Variants in SEC16A observed in about 807,000 individuals in gnomAD.
SEC16A encodes protein transport protein Sec16A.
In SEC16A, 110 loss-of-function variants were observed where a neutral mutation model predicts 221.9. The ratio of observed to expected loss-of-function variants is 0.50; its 90% CI spans 0.42 to 0.58. SEC16A has a LOEUF of 0.58. SEC16A is among the 20% of genes least tolerant of loss of function. The probability of loss-of-function intolerance (pLI) is 0.00; values close to 1 mark genes in which losing one functional copy is unlikely to be tolerated. For synonymous variants in SEC16A, 1,393 were observed against 1,257.7 expected, an observed-to-expected ratio of 1.11 and a Z score of -2.28; for missense variants, 3,165 against 3,097.8, an observed-to-expected ratio of 1.02 and a Z score of -0.52.
chr9:136,445,803 C>G (rs2131802586), intron 28 of SEC16A, 84 bp from the exon 29 acceptor site: 1 of 1,231,582 alleles, frequency 8.1e-7, no homozygotes. Context: ...TGAAACTGTT[C>G]TGGCCTGGGT....
intron 1 of SEC16A, among the ~76,000 whole-genome samples, chr9:136,482,335 A>C (rs1589038470): frequency 6.6e-6 from 1 of 152,122 alleles, no homozygotes; most frequent in Non-Finnish European, 1.5e-5. Context: ...TACAATCCAC[A>C]CCCAACTTAC....
intron 23 of SEC16A, among the ~76,000 whole-genome samples, chr9:136,449,808 C>T (rs964398512): frequency 1.3e-5 from 2 of 152,180 alleles, no homozygotes; most frequent in African/African-American, 4.8e-5. Context: ...AGAGCTCACA[C>T]AAATTTGGAA....
chr9:136,478,004 A>G (rs1173145598), intron 2 of SEC16A, among the ~76,000 whole-genome samples: 1 of 152,182 alleles, frequency 6.6e-6, no homozygotes, highest in African/African-American at 2.4e-5. Context: ...AACAACAGGG[A>G]CAGTGCGGAA....
Position 136,477,589 on chromosome 9 carries a change from C to T in SEC16A, c.27G>A (p.Pro9=), listed in dbSNP as rs370618648. Residue 9 remains proline, a synonymous_variant, in exon 3 of 32, where the codon CCG becomes CCA. Transcript: ENST00000684901. MQPPPQTV[P]SGMAGPPPAG... ...CTGGAGGTGGCCCAGCCATGCCAGA[C>T]GGGACCGTCTGGGGCGGTGGCTGCA... The T allele has an allele frequency of 4.1e-4, 664 of 1,611,310 alleles. No individual in the cohort carries two copies. The highest frequency in any genetic ancestry group is 3.8e-4 in the Non-Finnish European group (449 of 1,179,054).
chr9:136,445,218 G>T, intron 29 of SEC16A, 107 bp from the exon 30 acceptor site: 1 of 931,198 alleles, frequency 1.1e-6, no homozygotes, highest in Non-Finnish European at 1.7e-6. Context: ...GATGCCATTA[G>T]AATCAACATA....
intron 5 of SEC16A, among the ~76,000 whole-genome samples, chr9:136,467,934 G>A (rs1434808630): frequency 2.0e-5 from 3 of 152,198 alleles, no homozygotes; most frequent in Admixed American, 6.5e-5. Flanking sequence ...GCTGGACGTC[G>A]CCAGGGAGCA....
At chr9:136,483,493 T>A (rs1228684605), upstream of SEC16A, 1 of 896,552 alleles carries the variant, frequency 1.1e-6, no homozygotes, top group Non-Finnish European at 1.3e-6. Context: ...CCCTCCGGCG[T>A]CCGTCTGCCG....
Position 136,474,429 on chromosome 9 carries a change from G to C in SEC16A, c.3187C>G (p.Pro1063Ala). The part of the protein sequence containing the change: ...GLERAQQELV[P>A]PQQQASPPQL... The stretch of plus-strand genomic sequence containing the variant: ...GGGGGAGAAGCCTGTTGCTGGGGTG[G>C]CACCAGCTCCTGCTGGGCTCTTTCG... The change falls in exon 3 of 32, where the codon CCA (proline) becomes GCA (alanine). Residue 1063 changes from proline (P) to alanine (A), a missense_variant. Pro to Ala is a conservative substitution (Grantham distance 27, BLOSUM62 -1). Transcript: ENST00000684901. 2 of 1,612,994 alleles carry C rather than the reference G, an allele frequency of 1.2e-6. No individual in the cohort carries two copies. Among genetic ancestry groups the C allele is most frequent in the Non-Finnish European group, 1.7e-6 (2 of 1,179,894 alleles).
At chr9:136,443,530 A>G (rs985391524) in intron 31 of SEC16A, among the ~76,000 whole-genome samples, 4 of 152,108 alleles carry the variant, frequency 2.6e-5, no homozygotes, top group African/African-American at 9.7e-5. Flanking sequence ...AAAACATAAA[A>G]AATTTGCCAG....
At position 136,474,125 on chromosome 9, in the gene SEC16A, G is replaced by A. The variant is rs1784927638; in HGVS notation, c.3491C>T (p.Pro1164Leu). The A allele has an allele frequency of 1.2e-6, 2 of 1,613,228 alleles. No individual in the cohort carries two copies. The highest frequency in any genetic ancestry group is 1.3e-5 in the African/African-American group (1 of 74,934). The change falls in exon 3 of 32, where the codon CCT (proline) becomes CTT (leucine). Residue 1164 changes from proline to leucine, a missense_variant. Physicochemically the swap from Pro to Leu is moderately conservative, Grantham distance 98. Around this residue, in one of 3 missense-constraint regions of SEC16A, gnomAD observed 2,030 missense variants for 1,923.1 expected, o/e 1.06. Coordinates refer to ENST00000684901, the MANE Select transcript of SEC16A (RefSeq NM_014866.2). ...QDLAAYYYYRPLYDAYQPQYS... is the reference protein window; with the variant it reads ...QDLAAYYYYRLLYDAYQPQYS... The stretch of plus-strand genomic sequence containing the variant: ...CTGAGGCTGGTAGGCATCGTACAAA[G>A]GCCGGTAGTAGTAGTAGGCGGCCAG...
Position 136,474,784 on chromosome 9 carries a change from A to G in SEC16A, c.2832T>C (p.Asp944=), listed in dbSNP as rs375036074. Residue 944 remains aspartate (D), a synonymous_variant, in exon 3 of 32, where the codon GAT becomes GAC. Transcript: ENST00000684901. ...PENLVPESQK[D]RKAGSALPGF... ...CGGGAAGAGCACTTCCTGCCTTACG[A>G]TCCTTTTGACTTTCTGGAACCAAGT... 1.0e-4 allele frequency: 166 copies of G among 1,613,824 alleles called. No homozygotes were observed. The African/African-American group carries it at 1.9e-3, about 19-fold the overall frequency.
chr9:136,442,670 G>A (rs1433014265), intron 31 of SEC16A, among the ~76,000 whole-genome samples: 2 of 152,264 alleles, frequency 1.3e-5, no homozygotes, highest in African/African-American at 4.8e-5. Flanking sequence ...AGGGGGCTGA[G>A]GGTGAAGCCC....
chr9:136,479,968 C>T (rs1051952377), intron 1 of SEC16A, among the ~76,000 whole-genome samples: 3 of 151,678 alleles, frequency 2.0e-5, no homozygotes, highest in African/African-American at 7.3e-5. Context: ...AGCCACAACA[C>T]TCCAGCCTGG....
At chr9:136,448,919 G>A (rs1837414779) in intron 23 of SEC16A, 1 of 676,794 alleles carries the variant, frequency 1.5e-6, no homozygotes, top group Non-Finnish European at 2.7e-6. Context: ...GGGAAGGTGA[G>A]ACAGTTCTGG....
rs1841354168 is a variant in SEC16A at position 136,474,498 on chromosome 9, A to C, written c.3118T>G (p.Phe1040Val). ...SGPGAPNLDRFYQQVTKDAQG... is the reference protein window; with the variant it reads ...SGPGAPNLDRVYQQVTKDAQG... ...GCATCTTTCGTGACCTGCTGATAAA[A>C]ACGGTCAAGGTTAGGCGCCCCAGGC... Residue 1040 changes from phenylalanine to valine, a missense_variant, in exon 3 of 32, where the codon TTT (phenylalanine) becomes GTT (valine). Coordinates refer to ENST00000684901, the MANE Select transcript of SEC16A (RefSeq NM_014866.2). 1 of 1,612,936 alleles carries C rather than the reference A, an allele frequency of 6.2e-7. No homozygotes were observed. The highest frequency in any genetic ancestry group is 8.5e-7 in the Non-Finnish European group (1 of 1,179,874).
At position 136,472,048 on chromosome 9, in the gene SEC16A, G is replaced by C. The variant is rs1840944644; in HGVS notation, c.3631C>G (p.Gln1211Glu). 6.2e-7 allele frequency: 1 copy of C among 1,613,364 alleles called. No individual in the cohort carries two copies. The highest frequency in any genetic ancestry group is 8.5e-7 in the Non-Finnish European group (1 of 1,179,896). ...PYDGAASAYAQNYRYPEPERP... is the reference protein window; with the variant it reads ...PYDGAASAYAENYRYPEPERP... ...TCGGGCTCGGGATAGCGGTAGTTCT[G>C]GGCGTAAGCAGACGCAGCACCATCA... Residue 1211 changes from glutamine (Q) to glutamate (E), a missense_variant, in exon 4 of 32, where the codon CAG (glutamine) becomes GAG (glutamate). Transcript: ENST00000684901.
At chr9:136,461,794 T>C (rs1839515051) in intron 12 of SEC16A, among the ~76,000 whole-genome samples, 1 of 152,156 alleles carries the variant, frequency 6.6e-6, no homozygotes, top group South Asian at 2.1e-4. Flanking sequence ...CAATCAGTTA[T>C]AAAACATCCA....
chr9:136,481,434 G>C (rs1439325323), intron 1 of SEC16A, among the ~76,000 whole-genome samples: 2 of 152,150 alleles, frequency 1.3e-5, no homozygotes, highest in African/African-American at 4.8e-5. Context: ...CACCGCGCCC[G>C]GCCCAGGGAA....
chr9:136,457,222 C>T (rs1209243884), intron 18 of SEC16A, among the ~76,000 whole-genome samples: 1 of 152,220 alleles, frequency 6.6e-6, no homozygotes, highest in East Asian at 1.9e-4. Context: ...TTGTGAAACT[C>T]GCTGCCAAGG....
Sources: gnomAD v4.1 joint callset for allele counts (sites outside exome capture counted in the v4.1 genomes callset) on GRCh38, gnomAD v4.1.1 for gene constraint, gnomAD v4.1.1 regional missense constraint, MANE v1.5 for transcripts, NCBI Gene and HGNC (gene_info 2026-07-23, HGNC 2026-07-21) for gene names.